The following FGF18 variants were observed in gnomAD, a reference collection of about 807,000 sequenced individuals.
The protein encoded by FGF18 is fibroblast growth factor 18.
Under a neutral mutation model 23.0 loss-of-function variants are expected in FGF18, and 5 were observed. That is an observed-to-expected ratio of 0.22 (90% CI 0.11 to 0.46). The LOEUF is 0.46. FGF18 is among the 20% of genes least tolerant of loss of function. The probability of loss-of-function intolerance (pLI) is 0.99; values close to 1 mark genes in which losing one functional copy is unlikely to be tolerated. For synonymous variants in FGF18, 117 were observed against 118.9 expected (o/e 0.98, Z 0.10); for missense variants, 180 against 291.6 (o/e 0.62, Z 2.79).
intron 2 of FGF18, among the ~76,000 whole-genome samples, chr5:171,423,493 C>T (rs1031967363): frequency 6.6e-6 from 1 of 152,112 alleles, no homozygotes; most frequent in Non-Finnish European, 1.5e-5. Flanking sequence ...AGGCATGAGG[C>T]GGGCCAGGCT....
intron 4 of FGF18, among the ~76,000 whole-genome samples, chr5:171,449,870 C>T (rs1174478753): frequency 6.6e-6 from 1 of 152,032 alleles, no homozygotes; most frequent in Non-Finnish European, 1.5e-5. Context: ...TGGGGAGACC[C>T]ACGTGTGTGG....
chr5:171,428,309 A>G (rs1772127904), intron 2 of FGF18, among the ~76,000 whole-genome samples: 1 of 152,140 alleles, frequency 6.6e-6, no homozygotes, highest in Non-Finnish European at 1.5e-5. Context: ...CATCTGTGCC[A>G]GGGGCTGGGG....
At chr5:171,431,184 G>A (rs1772177366) in intron 2 of FGF18, among the ~76,000 whole-genome samples, 2 of 152,168 alleles carry the variant, frequency 1.3e-5, no homozygotes, top group African/African-American at 2.4e-5. Context: ...TGGTACCTTG[G>A]TTGATCTCTG....
At chr5:171,424,267 G>A (rs1455537487) in intron 2 of FGF18, among the ~76,000 whole-genome samples, 1 of 152,254 alleles carries the variant, frequency 6.6e-6, no homozygotes, top group Non-Finnish European at 1.5e-5. Flanking sequence ...GCACTGTGAA[G>A]TGGAGTGAGG....
At chr5:171,449,093 A>T (rs1449415915) in intron 3 of FGF18, 54 bp from the exon 4 acceptor site, 14 of 1,338,898 alleles carry the variant, frequency 1.0e-5, no homozygotes, top group Non-Finnish European at 1.4e-5. Flanking sequence ...CCTTTAGACC[A>T]AGCCATTGCC....
intron 2 of FGF18, among the ~76,000 whole-genome samples, chr5:171,421,528 A>G (rs1012156754): frequency 6.6e-6 from 1 of 152,284 alleles, no homozygotes; most frequent in East Asian, 1.9e-4. Flanking sequence ...TGGATTGTGG[A>G]GATCCCCAGA....
chr5:171,444,583 G>A (rs956646246), intron 3 of FGF18, among the ~76,000 whole-genome samples: 1 of 149,596 alleles, frequency 6.7e-6, no homozygotes, highest in Non-Finnish European at 1.5e-5. Flanking sequence ...AAGGTCTTTC[G>A]CTGTGTCACT....
At chr5:171,441,913 C>T (rs1772351651) in intron 3 of FGF18, among the ~76,000 whole-genome samples, 1 of 152,160 alleles carries the variant, frequency 6.6e-6, no homozygotes, top group Non-Finnish European at 1.5e-5. Context: ...TGTTCCCTCC[C>T]TCCTTTCCCA....
At position 171,436,157 on chromosome 5, in the gene FGF18, A is replaced by G; in HGVS notation, c.134A>G (p.Asp45Gly). The G allele has an allele frequency of 6.2e-7, 1 of 1,602,600 alleles. No individual in the cohort carries two copies. The highest frequency in any genetic ancestry group is 8.5e-7 in the Non-Finnish European group (1 of 1,173,330). The part of the protein sequence containing the change: ...IHVENQTRAR[D>G]DVSRKQLRLY... ...GTGGAGAACCAGACGCGGGCTCGGG[A>G]CGATGTGAGCCGTAAGCAGCTGCGG... Residue 45 changes from aspartate to glycine, a missense_variant, in exon 3 of 5, where the codon GAC (aspartate) becomes GGC (glycine). Coordinates refer to ENST00000274625, the MANE Select transcript of FGF18 (RefSeq NM_003862.3). The surrounding 1 kb of genome is among the most constrained non-coding windows in gnomAD (Gnocchi z 4.4).
chr5:171,431,865 C>G (rs1256499322), intron 2 of FGF18, among the ~76,000 whole-genome samples: 1 of 151,964 alleles, frequency 6.6e-6, no homozygotes, highest in African/African-American at 2.4e-5. Flanking sequence ...TCAAGACCAG[C>G]CTGGCCAACC....
Position 171,436,013 on chromosome 5 carries a change from TGTGGTGGAC to T in FGF18, c.70-75_70-67del, listed in dbSNP as rs1387466814. The T allele has an allele frequency of 8.2e-7, 1 of 1,216,112 alleles. No homozygotes were observed. The highest frequency in any genetic ancestry group is 1.6e-5 in the African/African-American group (1 of 64,020). The allele number at this position is 1,216,112 out of a possible 1,614,324, so 75.3% of individuals were successfully genotyped here. ...CCGGTGTAGAGAAGCCCTTGGTCTT[TGTGGTGGAC>T]GTGGCTGGCTCCTGCATGCAGTGGG... is the stretch of plus-strand genomic sequence containing the variant. On this transcript the variant is annotated intron_variant, in intron 2 of 4. Transcript: ENST00000274625. This position sits in a 1 kb window ranked among gnomAD's most constrained non-coding sequence, Gnocchi z 4.4.
In FGF18 at chr5:171,440,860, G is replaced by C. The variant is rs1165771018; in HGVS notation, c.250+4587G>C. Among the ~76,000 whole-genome samples, 1 of 152,198 alleles carries C rather than the reference G, an allele frequency of 6.6e-6. No homozygotes were observed. Among genetic ancestry groups the C allele is most frequent in the East Asian group, 1.9e-4 (1 of 5,202 alleles). ...CCTGTGCTTGCCCTTGTCCCAACAA[G>C]GGTCCTGCTGCGGTGGAACCATCTG... On this transcript the variant is annotated intron_variant, in intron 3 of 4. Coordinates refer to ENST00000274625, the MANE Select transcript of FGF18 (RefSeq NM_003862.3). The surrounding 1 kb of genome is among the most constrained non-coding windows in gnomAD (Gnocchi z 4.0).
chr5:171,429,236 A>G (rs1772142807), intron 2 of FGF18, among the ~76,000 whole-genome samples: 2 of 152,232 alleles, frequency 1.3e-5, no homozygotes, highest in African/African-American at 4.8e-5. Flanking sequence ...AGATGGGTTC[A>G]GATCGTGGCT....
At chr5:171,447,804 G>A (rs948324693) in intron 3 of FGF18, among the ~76,000 whole-genome samples, 3 of 152,158 alleles carry the variant, frequency 2.0e-5, no homozygotes, top group Admixed American at 2.0e-4. Flanking sequence ...GGAATTTGGG[G>A]CTATGATTTT....
At chr5:171,438,901 G>T (rs928195024) in intron 3 of FGF18, among the ~76,000 whole-genome samples, 2 of 152,102 alleles carry the variant, frequency 1.3e-5, no homozygotes, top group Admixed American at 6.6e-5. Flanking sequence ...GTCTCAGGGG[G>T]AGGGGCTGCC....
Position 171,438,766 on chromosome 5 carries a change from A to T in FGF18, c.250+2493A>T, listed in dbSNP as rs910939189. Among the ~76,000 whole-genome samples the T allele has an allele frequency of 2.0e-5, 3 of 152,092 alleles. No individual in the cohort carries two copies. In the South Asian group the frequency reaches 6.2e-4, roughly 32 times the overall value. ...GAGCCCGGGGAGAGGAAGTGAGACA[A>T]TGGAGCCAATTGAGGCTTCCAATCT... is the stretch of plus-strand genomic sequence containing the variant. On this transcript the variant is annotated intron_variant, in intron 3 of 4. Transcript: ENST00000274625.
Position 171,455,255 on chromosome 5 carries a change from G to A in FGF18, c.358-1284G>A, listed in dbSNP as rs183390104. Among the ~76,000 whole-genome samples, 577 of 152,286 alleles carry A rather than the reference G, an allele frequency of 3.8e-3. 4 individuals are homozygous for A. The highest frequency in any genetic ancestry group is 0.013 in the African/African-American group (537 of 41,548). ...AGGAGCCTGAGATCCCACAACCGAC[G>A]GCACAGTTTGGAGTTTGGCCATGCG... On this transcript the variant is annotated intron_variant, in intron 4 of 4. Coordinates refer to ENST00000274625, the MANE Select transcript of FGF18 (RefSeq NM_003862.3).
intron 4 of FGF18, among the ~76,000 whole-genome samples, chr5:171,453,228 G>A (rs1345102180): frequency 2.0e-5 from 3 of 152,196 alleles, no homozygotes; most frequent in African/African-American, 7.2e-5. Context: ...CAAGCGTCAA[G>A]CCCGGATGTA....
Position 171,456,757 on chromosome 5 carries a change from G to T in FGF18, c.576G>T (p.Thr192=). ...QPELQKPFKY[T]TVTKRSRRIR... is the part of the protein sequence containing the mutation. ...AGCTTCAGAAGCCCTTCAAGTACAC[G>T]ACGGTGACCAAGAGGTCCCGTCGGA... The change falls in exon 5 of 5, where the codon ACG becomes ACT. Residue 192 remains threonine, a synonymous_variant. Coordinates refer to ENST00000274625, the MANE Select transcript of FGF18 (RefSeq NM_003862.3). This position sits in a 1 kb window ranked among gnomAD's most constrained non-coding sequence, Gnocchi z 6.1. The T allele has an allele frequency of 6.2e-7, 1 of 1,614,016 alleles. No homozygotes were observed. The highest frequency in any genetic ancestry group is 8.5e-7 in the Non-Finnish European group (1 of 1,180,024).
Sources: allele counts gnomAD v4.1 joint callset (sites outside exome capture counted in the v4.1 genomes callset), GRCh38; gene constraint gnomAD v4.1.1; non-coding constraint Gnocchi (gnomAD v3.1); transcripts MANE v1.5; gene names NCBI Gene and HGNC (gene_info 2026-07-23, HGNC 2026-07-21).